The following DPP4 variants were observed in gnomAD, a reference collection of about 807,000 sequenced individuals.
DPP4 encodes the protein ADCP-2.
In DPP4, 93 loss-of-function variants were observed where a neutral mutation model predicts 122.4. The observed-to-expected ratio is 0.76, with a 90% CI of 0.64 to 0.90. DPP4 has a LOEUF of 0.90. DPP4 is among the 40% of genes least tolerant of loss of function. The probability of loss-of-function intolerance (pLI) is 0.00; values close to 1 mark genes in which losing one functional copy is unlikely to be tolerated. For synonymous variants in DPP4, 321 were observed against 302.9 expected (o/e 1.06, Z -0.62); for missense variants, 914 against 907.3 (o/e 1.01, Z -0.09).
At chr2:162,003,323 G>A (rs1335865268) in intron 23 of DPP4, among the ~76,000 whole-genome samples, 1 of 152,150 alleles carries the variant, frequency 6.6e-6, no homozygotes, top group Non-Finnish European at 1.5e-5. Context: ...GGGGAACTCG[G>A]TGGGAACGAG....
chr2:162,000,489 G>C (rs1184559614), intron 23 of DPP4, among the ~76,000 whole-genome samples: 1 of 152,064 alleles, frequency 6.6e-6, no homozygotes, highest in African/African-American at 2.4e-5. Context: ...CAACAAACAA[G>C]TTAAGGTTTG....
intron 5 of DPP4, among the ~76,000 whole-genome samples, chr2:162,039,422 A>G (rs1683909698): frequency 6.6e-6 from 1 of 152,100 alleles, no homozygotes; most frequent in Non-Finnish European, 1.5e-5. Flanking sequence ...CCAGGACCAC[A>G]GTGCACCAAA....
At chr2:162,032,217 T>C (rs2284870) in intron 10 of DPP4, 66,596 of 152,058 alleles carry the variant, frequency 0.44, 15,498 homozygotes, top group East Asian at 0.7. Flanking sequence ...GGTTTGAATA[T>C]AGATTCGTAC....
intron 2 of DPP4, among the ~76,000 whole-genome samples, chr2:162,070,306 G>C (rs1685073229): frequency 6.6e-6 from 1 of 151,648 alleles, no homozygotes; most frequent in African/African-American, 2.4e-5. Flanking sequence ...ATAGTATTAA[G>C]CCTCTCTCTC....
chr2:162,055,830 A>G (rs1684554110), intron 2 of DPP4, among the ~76,000 whole-genome samples: 1 of 152,338 alleles, frequency 6.6e-6, no homozygotes, highest in Non-Finnish European at 1.5e-5. Context: ...AGTATAATGC[A>G]CATTTCCTAG....
intron 2 of DPP4, among the ~76,000 whole-genome samples, chr2:162,072,770 C>A: frequency 6.6e-6 from 1 of 152,084 alleles, no homozygotes; most frequent in East Asian, 1.9e-4. Flanking sequence ...AAGAATCCAC[C>A]AAAACATCAC....
At chr2:162,017,273 T>A in intron 16 of DPP4, 118 bp from the exon 17 acceptor site, 1 of 807,742 alleles carries the variant, frequency 1.2e-6, no homozygotes. Flanking sequence ...TATATAAATA[T>A]TATAATGCAT....
chr2:162,032,426 G>A (rs975490689), intron 10 of DPP4, among the ~76,000 whole-genome samples: 5 of 144,900 alleles, frequency 3.5e-5, no homozygotes, highest in African/African-American at 8.7e-5. Flanking sequence ...AGTGGCTCTC[G>A]CCTGTAATCC....
rs1189638090 is a variant in DPP4 at position 162,073,471 on chromosome 2, G to C, written c.22C>G (p.Leu8Val). Residue 8 changes from leucine to valine, a missense_variant, in exon 2 of 26, where the codon CTT becomes GTT. Transcript: ENST00000360534. MKTPWKV[L>V]LGLLGAAALV... The stretch of plus-strand genomic sequence containing the variant: ...GCAGCAGCACCCAGCAGTCCCAGAA[G>C]AACCTTCCACGGTGTCTGCAAGCCG... The C allele has an allele frequency of 1.2e-6, 2 of 1,613,846 alleles. No individual in the cohort carries two copies. The highest frequency in any genetic ancestry group is 2.7e-5 in the African/African-American group (2 of 74,916).
At position 162,018,863 on chromosome 2, in the gene DPP4, CG is replaced by C. The variant is rs779111099; in HGVS notation, c.1299-14del. The stretch of plus-strand genomic sequence containing the variant: ...ACTAAGTTGGATTCTGTAAAACCAA[CG>C]GTGGAAATTAAGTGCTTGAAGAAAA... On this transcript the variant is annotated splice_polypyrimidine_tract_variant and intron_variant, in intron 15 of 25. Coordinates refer to ENST00000360534, the MANE Select transcript of DPP4 (RefSeq NM_001935.4). 1.3e-4 allele frequency: 213 copies of C among 1,612,556 alleles called. No homozygotes were observed. The Middle Eastern group carries it at 1.3e-3, about 10-fold the overall frequency.
At chr2:161,993,447 ACGT>A in intron 25 of DPP4, 63 bp from the exon 26 acceptor site, 4 of 1,110,474 alleles carry the variant, frequency 3.6e-6, no homozygotes, top group Non-Finnish European at 5.4e-6. Context: ...AAAAAAAAAT[ACGT>A]AAATTCAAAT....
At chr2:162,039,324 G>A (rs1683905879) in intron 5 of DPP4, 140 bp from the exon 6 acceptor site, 4 of 770,806 alleles carry the variant, frequency 5.2e-6, no homozygotes, top group Non-Finnish European at 8.2e-6. Flanking sequence ...TTTCCTCCGA[G>A]AATTTTGGGA....
chr2:162,043,177 T>A (rs1392827207), intron 5 of DPP4, among the ~76,000 whole-genome samples: 7 of 152,100 alleles, frequency 4.6e-5, no homozygotes, highest in Admixed American at 4.6e-4. Context: ...GATATCCGTG[T>A]TTTTTCAAAA....
chr2:162,009,024 T>G (rs1463567030), intron 21 of DPP4, among the ~76,000 whole-genome samples: 1 of 152,088 alleles, frequency 6.6e-6, no homozygotes, highest in Non-Finnish European at 1.5e-5. Context: ...CTTTCACTCC[T>G]TCCTTCTTGC....
chr2:162,070,552 T>G (rs1685082509), intron 2 of DPP4, among the ~76,000 whole-genome samples: 1 of 152,162 alleles, frequency 6.6e-6, no homozygotes, highest in African/African-American at 2.4e-5. Context: ...TCCTTCTTCC[T>G]TTCCTTTCCC....
At chr2:162,069,925 T>C (rs1463469342) in intron 2 of DPP4, among the ~76,000 whole-genome samples, 2 of 152,222 alleles carry the variant, frequency 1.3e-5, no homozygotes, top group Non-Finnish European at 2.9e-5. Context: ...AAAGAAGAGA[T>C]ATACTTCTTT....
At chr2:162,038,543 A>T in intron 7 of DPP4, 121 bp from the exon 8 acceptor site, 3 of 1,100,956 alleles carry the variant, frequency 2.7e-6, no homozygotes, top group Non-Finnish European at 3.9e-6. Context: ...TTCCATTCAA[A>T]CAGGAAGAGT....
chr2:162,030,107 T>C (rs1683489537), intron 10 of DPP4, among the ~76,000 whole-genome samples: 1 of 152,236 alleles, frequency 6.6e-6, no homozygotes, highest in Non-Finnish European at 1.5e-5. Context: ...CAGTCAACAA[T>C]GAATGTACTG....
At chr2:162,067,973 C>G (rs5022713) in intron 2 of DPP4, among the ~76,000 whole-genome samples, 42,479 of 152,096 alleles carry the variant, frequency 0.28, 6,507 homozygotes, top group Non-Finnish European at 0.35. Flanking sequence ...AACCCCTAAA[C>G]TTTCACGTGT....
Sources: allele counts gnomAD v4.1 joint callset (sites outside exome capture counted in the v4.1 genomes callset), GRCh38; gene constraint gnomAD v4.1.1; transcripts MANE v1.5; gene names NCBI Gene and HGNC (gene_info 2026-07-23, HGNC 2026-07-21).